NDUFAF7: variants seen among roughly 807,000 people sequenced by gnomAD.
The protein encoded by NDUFAF7 is NADH:ubiquinone oxidoreductase complex assembly factor 7, also known as protein arginine methyltransferase NDUFAF7, mitochondrial.
A neutral mutation model predicts 47.2 loss-of-function variants in NDUFAF7; 48 were observed. The observed-to-expected ratio is 1.02, with a 90% CI of 0.81 to 1.29. The LOEUF (loss-of-function observed/expected upper bound fraction) is 1.29, where lower values mean the gene tolerates loss of function less well. Ranked by LOEUF, NDUFAF7 falls within the 50% of genes most tolerant of loss-of-function variation. The pLI is 0.00. For missense variants in NDUFAF7, 635 were observed against 537.6 expected (o/e 1.18, Z -1.79); for synonymous variants, 217 against 190.0 (o/e 1.14, Z -1.17).
chr2:37,231,720 G>A lies in NDUFAF7; in HGVS notation c.15G>A (p.Leu5=), dbSNP rs1265093229. 1.2e-6 allele frequency: 2 copies of A among 1,614,232 alleles called. No homozygotes were observed. Among genetic ancestry groups the A allele is most frequent in the South Asian group, 2.2e-5 (2 of 91,088 alleles). The change falls in exon 1 of 10, where the codon CTG becomes CTA. Residue 5 remains leucine (L), a synonymous_variant. Transcript: ENST00000002125. MSVL[L]RSGLGPLCAV... ...CGAATTTCAGCATGAGTGTACTGCT[G>A]AGGTCAGGTTTGGGGCCGTTGTGTG...
chr2:37,266,734 C>T, the NDUFAF7 span, among the ~76,000 whole-genome samples: 6 of 152,248 alleles, frequency 3.9e-5, no homozygotes, highest in East Asian at 1.9e-4. Flanking sequence ...GTGATCCACC[C>T]GCCTTGGCCT....
chr2:37,256,126 C>T (rs940850279), downstream of NDUFAF7, among the ~76,000 whole-genome samples: 4 of 152,068 alleles, frequency 2.6e-5, no homozygotes, highest in South Asian at 2.1e-4. Flanking sequence ...AAGGGGTCCT[C>T]GAATTTTAAT....
the NDUFAF7 span, among the ~76,000 whole-genome samples, chr2:37,270,409 G>T: frequency 6.8e-6 from 1 of 148,112 alleles, no homozygotes; most frequent in African/African-American, 2.5e-5. Flanking sequence ...AACTTTGAGA[G>T]ACTGAAGAAA....
At chr2:37,260,477 A>G in the NDUFAF7 span, 16,332 of 1,152,708 alleles carry the variant, frequency 0.014, 144 homozygotes, top group Non-Finnish European at 0.016. Flanking sequence ...AATGGCACAG[A>G]AAGAAAGCCT....
rs534380346 is a variant in NDUFAF7, at chr2:37,241,510, T to A, written c.409-68T>A. 3,110 of 1,231,590 alleles carry A rather than the reference T, an allele frequency of 2.5e-3. 4 individuals carry two copies. Among genetic ancestry groups the A allele is most frequent in the Non-Finnish European group, 3.2e-3 (2,737 of 856,818 alleles). The allele number at this position is 1,231,590 out of a possible 1,614,324, so 76.3% of individuals were successfully genotyped here. On this transcript the variant is annotated intron_variant, in intron 4 of 9. Transcript: ENST00000002125. ...TATTGTGACATGACTAAATCATTGA[T>A]GTAAATGATTAGGAAACTTAAAACC...
At chr2:37,260,352 T>C in the NDUFAF7 span, 1 of 1,612,060 alleles carries the variant, frequency 6.2e-7, no homozygotes, top group Non-Finnish European at 8.5e-7. Context: ...CAAACATACA[T>C]TCCAGGTTTA....
rs146119526 is a variant in NDUFAF7, at chr2:37,240,591, G to T, written c.409-987G>T. ...ACAAAATCACGAATTTAAATTTCCA[G>T]GGCTCTATTTTATGTTTTTCAGCAA... On this transcript the variant is annotated intron_variant, in intron 4 of 9. Transcript: ENST00000002125. 3.1e-3 allele frequency among the ~76,000 whole-genome samples: 477 copies of T among 152,076 alleles called. 9 individuals are homozygous for T. The highest frequency in any genetic ancestry group is 0.017 in the Middle Eastern group (5 of 292).
downstream of NDUFAF7, chr2:37,250,944 A>G (rs768897773): frequency 1.3e-5 from 2 of 152,674 alleles, no homozygotes; most frequent in South Asian, 2.1e-4. Context: ...GTGCCTTTAC[A>G]AAATTTTTAG....
At chr2:37,234,415 A>G (rs575959650) in intron 2 of NDUFAF7, among the ~76,000 whole-genome samples, 1 of 152,212 alleles carries the variant, frequency 6.6e-6, no homozygotes, top group Admixed American at 6.5e-5. Flanking sequence ...TTAATACACT[A>G]GTAAAGAAGT....
At chr2:37,237,615 C>A in intron 3 of NDUFAF7, 142 bp from the exon 4 acceptor site, 1 of 663,518 alleles carries the variant, frequency 1.5e-6, no homozygotes, top group Middle Eastern at 4.0e-4. Context: ...TGAACATGTA[C>A]GTATGTATTG....
chr2:37,248,315 G>GTC lies in NDUFAF7; in HGVS notation c.1292_1293insCT (p.Val432LeufsTer2). The GTC allele has an allele frequency of 6.2e-7, 1 of 1,614,108 alleles. No individual in the cohort carries two copies. Among genetic ancestry groups the GTC allele is most frequent in the South Asian group, 1.1e-5 (1 of 91,082 alleles). On this transcript the variant is annotated frameshift_variant, in exon 10 of 10. Coordinates refer to ENST00000002125, the MANE Select transcript of NDUFAF7 (RefSeq NM_144736.5). LOFTEE classifies it high-confidence loss of function. ...ACGTCAGTCAAAACCCTTTGCATCC[G>GTC]TTGTAGCTGGGTTTAGTGAACTTGC...
intron 6 of NDUFAF7, 152 bp downstream of exon 6, chr2:37,242,845 C>A (rs1666498543): frequency 1.0e-5 from 6 of 590,340 alleles, no homozygotes; most frequent in Middle Eastern, 4.2e-4. Flanking sequence ...AATTCAAAAG[C>A]AAAAAATGAA....
In NDUFAF7 at chr2:37,231,736, C is replaced by A; in HGVS notation, c.31C>A (p.Pro11Thr). Reference sequence around the variant, plus strand: ...TGTACTGCTGAGGTCAGGTTTGGGGCCGTTGTGTGCCGTGGCGCGCGCAGG... The same window carrying A: ...TGTACTGCTGAGGTCAGGTTTGGGGACGTTGTGTGCCGTGGCGCGCGCAGG... MSVLLRSGLGPLCAVARAAIP... is the reference protein window; with the variant it reads MSVLLRSGLGTLCAVARAAIP... Residue 11 changes from proline to threonine, a missense_variant, in exon 1 of 10, where the codon CCG (proline) becomes ACG (threonine). By Grantham distance (38) the Pro-to-Thr change is conservative. Transcript: ENST00000002125. 6.2e-7 allele frequency: 1 copy of A among 1,614,200 alleles called. No homozygotes were observed. Among genetic ancestry groups the A allele is most frequent in the Non-Finnish European group, 8.5e-7 (1 of 1,180,038 alleles).
chr2:37,234,350 C>A (rs1665524427), intron 2 of NDUFAF7, among the ~76,000 whole-genome samples: 1 of 152,156 alleles, frequency 6.6e-6, no homozygotes, highest in African/African-American at 2.4e-5. Flanking sequence ...TCTCAGCCTC[C>A]TAAAGTGTTG....
At chr2:37,237,527 A>G (rs1045107385) in intron 3 of NDUFAF7, among the ~76,000 whole-genome samples, 5 of 152,172 alleles carry the variant, frequency 3.3e-5, no homozygotes, top group African/African-American at 9.7e-5. Context: ...GACCTTTTAT[A>G]GCAGAGGCTG....
intron 9 of NDUFAF7, 28 bp downstream of exon 9, chr2:37,247,657 T>G: frequency 6.2e-7 from 1 of 1,610,818 alleles, no homozygotes; most frequent in Non-Finnish European, 8.5e-7. Flanking sequence ...TCACTGTTAT[T>G]AAGTACTTTC....
At chr2:37,256,944 A>G (rs765196613), downstream of NDUFAF7, 1 of 1,613,566 alleles carries the variant, frequency 6.2e-7, no homozygotes, top group Non-Finnish European at 8.5e-7. Flanking sequence ...AAATTGAAGG[A>G]TGATGTTAAT....
At chr2:37,246,672 TA>T (rs1553359582) in intron 8 of NDUFAF7, among the ~76,000 whole-genome samples, 5 of 152,192 alleles carry the variant, frequency 3.3e-5, no homozygotes, top group Non-Finnish European at 1.5e-5. Context: ...TCTTTGAATA[TA>T]ATCAATTCTA....
chr2:37,240,174 T>C (rs1666210070), intron 4 of NDUFAF7, among the ~76,000 whole-genome samples: 1 of 152,208 alleles, frequency 6.6e-6, no homozygotes, highest in Admixed American at 6.5e-5. Flanking sequence ...CCCATGCCTG[T>C]AATCGCAGCA....
Sources: allele counts gnomAD v4.1 joint callset (sites outside exome capture counted in the v4.1 genomes callset), GRCh38; gene constraint gnomAD v4.1.1; transcripts MANE v1.5; gene names NCBI Gene and HGNC (gene_info 2026-07-23, HGNC 2026-07-21).